The following PPM1H variants were observed in gnomAD, a reference collection of about 807,000 sequenced individuals.
PPM1H encodes the protein protein phosphatase, Mg2+/Mn2+ dependent 1H.
Under a neutral mutation model 54.9 loss-of-function variants are expected in PPM1H, and 27 were observed. The observed-to-expected ratio is 0.49, with a 90% CI of 0.36 to 0.68. The LOEUF is 0.68. PPM1H is among the 30% of genes least tolerant of loss of function. PPM1H has a pLI of 0.00. For synonymous variants in PPM1H, 305 were observed against 270.8 expected, an observed-to-expected ratio of 1.13 and a Z score of -1.24; for missense variants, 596 against 667.8, an observed-to-expected ratio of 0.89 and a Z score of 1.19.
chr12:62,752,518 CA>C (rs2076448088), intron 4 of PPM1H, among the ~76,000 whole-genome samples: 2 of 152,194 alleles, frequency 1.3e-5, no homozygotes, highest in African/African-American at 2.4e-5. Context: ...GGAAGATTGA[CA>C]GGGGGATTGG....
intron 5 of PPM1H, chr12:62,720,626 G>A (rs1410370801): frequency 1.3e-5 from 3 of 233,686 alleles, no homozygotes; most frequent in Non-Finnish European, 1.7e-5. Flanking sequence ...GGGTGAGAAA[G>A]CTCCCTGACG....
chr12:62,749,339 A>G (rs1283788766), intron 4 of PPM1H, among the ~76,000 whole-genome samples: 2 of 152,244 alleles, frequency 1.3e-5, no homozygotes, highest in East Asian at 3.8e-4. Context: ...ATCTGGTACA[A>G]GGTGACAAAG....
At chr12:62,815,754 T>C (rs1489256328) in intron 2 of PPM1H, among the ~76,000 whole-genome samples, 1 of 152,174 alleles carries the variant, frequency 6.6e-6, no homozygotes, top group Non-Finnish European at 1.5e-5. Context: ...AATTGAGGTA[T>C]GGAGAAGCCG....
chr12:62,774,448 C>T (rs76746639), intron 4 of PPM1H, among the ~76,000 whole-genome samples: 24,438 of 152,072 alleles, frequency 0.16, 2,188 homozygotes, highest in African/African-American at 0.23. Context: ...CTCAAGCGAT[C>T]CTCCCACCTC....
chr12:62,677,444 G>A (rs949879363), intron 8 of PPM1H, among the ~76,000 whole-genome samples: 7 of 152,206 alleles, frequency 4.6e-5, no homozygotes, highest in African/African-American at 1.7e-4. Context: ...GGGTTGTGAT[G>A]CCCTCTTTGG....
intron 4 of PPM1H, chr12:62,755,141 T>A: frequency 2.3e-6 from 1 of 436,698 alleles, no homozygotes; most frequent in Non-Finnish European, 4.3e-6. Context: ...ATATTTAAAT[T>A]GTACATAAGT....
At chr12:62,675,620 AT>A (rs1286764514) in intron 8 of PPM1H, among the ~76,000 whole-genome samples, 1 of 152,190 alleles carries the variant, frequency 6.6e-6, no homozygotes. Context: ...GTTTACTCCA[AT>A]AGTTTTGATT....
At chr12:62,730,224 C>G (rs148076037) in intron 5 of PPM1H, among the ~76,000 whole-genome samples, 2,856 of 152,276 alleles carry the variant, frequency 0.019, 60 homozygotes, top group East Asian at 0.088. Context: ...TCACACAAAG[C>G]CTGTTTGGTG....
chr12:62,878,623 G>A (rs1215498061), intron 1 of PPM1H, among the ~76,000 whole-genome samples: 2 of 65,026 alleles, frequency 3.1e-5, no homozygotes, highest in Non-Finnish European at 5.2e-5. Flanking sequence ...CAATGATTAC[G>A]CTTAAAAAAA....
intron 2 of PPM1H, among the ~76,000 whole-genome samples, chr12:62,830,295 A>G (rs903090104): frequency 1.7e-4 from 26 of 151,694 alleles, no homozygotes; most frequent in South Asian, 6.2e-4. Context: ...TCGCTCTGTC[A>G]CCCAGGCTGG....
chr12:62,840,112 C>T (rs960064359), intron 1 of PPM1H: 1 of 151,606 alleles, frequency 6.6e-6, no homozygotes, highest in Non-Finnish European at 1.5e-5. Context: ...CAAAAACACA[C>T]ACAACATAAA....
chr12:62,890,600 T>C (rs937019041), intron 1 of PPM1H, among the ~76,000 whole-genome samples: 1 of 152,004 alleles, frequency 6.6e-6, no homozygotes, highest in Non-Finnish European at 1.5e-5. Context: ...CCCCGAAAGG[T>C]AAACAGCTAT....
In PPM1H at chr12:62,849,625, A is replaced by G. The variant is rs1417114988; in HGVS notation, c.246-17346T>C. The stretch of plus-strand genomic sequence containing the variant: ...GGTGCCAGGTGCTAAGAAAAGTTCA[A>G]GTGCCCACTAGATATGGCAAAGAGG... On this transcript the variant is annotated intron_variant, in intron 1 of 9. Transcript: ENST00000228705. Among the ~76,000 whole-genome samples, 4 of 152,286 alleles carry G rather than the reference A, an allele frequency of 2.6e-5. No homozygotes were observed. The East Asian group carries it at 5.8e-4, about 22-fold the overall frequency.
intron 9 of PPM1H, among the ~76,000 whole-genome samples, chr12:62,663,895 G>A (rs1338187291): frequency 2.0e-5 from 3 of 152,208 alleles, no homozygotes; most frequent in Admixed American, 2.0e-4. Context: ...GGAGGCTGAG[G>A]CAGGAGAATT....
Position 62,788,281 on chromosome 12 carries a change from G to T in PPM1H, c.814C>A (p.Leu272Ile). ...TTCCCCAAAAGGCAAATCACAATGA[G>T]GGCCGTGCAGCCACCAGATATATTA... ...SYNISGGCTA[L>I]IVICLLGKLY... Residue 272 changes from leucine to isoleucine, a missense_variant, in exon 4 of 10, where the codon CTC (leucine) becomes ATC (isoleucine). Around this residue, in one of 3 missense-constraint regions of PPM1H, gnomAD observed 382 missense variants for 387.1 expected, o/e 0.99. Coordinates refer to ENST00000228705, the MANE Select transcript of PPM1H (RefSeq NM_020700.2). 1 of 1,598,254 alleles carries T rather than the reference G, an allele frequency of 6.3e-7. No homozygotes were observed. Among genetic ancestry groups the T allele is most frequent in the Non-Finnish European group, 8.5e-7 (1 of 1,172,034 alleles).
intron 1 of PPM1H, among the ~76,000 whole-genome samples, chr12:62,913,104 T>A (rs772157708): frequency 5.9e-5 from 9 of 152,188 alleles, no homozygotes; most frequent in Non-Finnish European, 1.2e-4. Flanking sequence ...AGGTAAATTC[T>A]TCAAGTTCCA....
intron 5 of PPM1H, among the ~76,000 whole-genome samples, chr12:62,734,132 A>ATTT (rs60742123): frequency 7.0e-6 from 1 of 142,522 alleles, no homozygotes; most frequent in Non-Finnish European, 1.5e-5. Context: ...TGCCACATGA[A>ATTT]TTTTTTTTTT....
intron 6 of PPM1H, among the ~76,000 whole-genome samples, chr12:62,707,077 G>A (rs2120408374): frequency 6.6e-6 from 1 of 152,276 alleles, no homozygotes; most frequent in Middle Eastern, 3.4e-3. Context: ...GATCCAATGT[G>A]ACCCAGAGGA....
chr12:62,754,199 C>CA (rs1247845074), intron 4 of PPM1H, among the ~76,000 whole-genome samples: 33 of 152,254 alleles, frequency 2.2e-4, no homozygotes, highest in African/African-American at 6.7e-4. Flanking sequence ...TAGAGATAGG[C>CA]AAATCAGGTA....
Sources: allele counts gnomAD v4.1 joint callset (sites outside exome capture counted in the v4.1 genomes callset), GRCh38; gene constraint gnomAD v4.1.1; regional missense constraint gnomAD v4.1.1; transcripts MANE v1.5; gene names NCBI Gene and HGNC (gene_info 2026-07-23, HGNC 2026-07-21).